The following SMYD2 variants were observed in gnomAD, a reference collection of about 807,000 sequenced individuals.
The protein encoded by SMYD2 is SET and MYND domain containing 2.
Under a neutral mutation model 59.1 loss-of-function variants are expected in SMYD2, and 53 were observed. The observed-to-expected ratio is 0.90, with a 90% CI of 0.72 to 1.13. The LOEUF (loss-of-function observed/expected upper bound fraction) is 1.13, where lower values mean the gene tolerates loss of function less well. Ranked by LOEUF, SMYD2 falls within the 50% of genes most tolerant of loss-of-function variation. The pLI, the probability that SMYD2 is intolerant of heterozygous loss-of-function variation, is 0.00. For synonymous variants in SMYD2, 208 were observed against 198.8 expected, an observed-to-expected ratio of 1.05 and a Z score of -0.39; for missense variants, 494 against 544.7, an observed-to-expected ratio of 0.91 and a Z score of 0.93.
chr1:214,299,668 G>A lies in SMYD2; in HGVS notation c.174-5519G>A, dbSNP rs375442145. The stretch of plus-strand genomic sequence containing the variant: ...GTTGCCCAGGCTGGAGTGCAGTGGC[G>A]CTGTCCTGGCTCACTGCAACCTCTG... On this transcript the variant is annotated intron_variant, in intron 1 of 11. Transcript: ENST00000366957. Among the ~76,000 whole-genome samples the A allele has an allele frequency of 7.8e-4, 118 of 152,094 alleles. 1 individual carries two copies. The South Asian group carries it at 0.02, about 26-fold the overall frequency.
chr1:214,306,205 T>G (rs894902981), intron 2 of SMYD2, among the ~76,000 whole-genome samples: 1 of 152,170 alleles, frequency 6.6e-6, no homozygotes, highest in East Asian at 1.9e-4. Context: ...ATACCTGGTG[T>G]TGTCCTTCCC....
At chr1:214,282,701 C>T (rs1656469735) in intron 1 of SMYD2, among the ~76,000 whole-genome samples, 2 of 151,922 alleles carry the variant, frequency 1.3e-5, no homozygotes, top group African/African-American at 4.8e-5. Flanking sequence ...AACTGTCTTC[C>T]GCTTGGGGGG....
intron 6 of SMYD2, 192 bp from the exon 7 acceptor site, chr1:214,327,430 A>G (rs1657280911): frequency 1.9e-6 from 1 of 518,038 alleles, no homozygotes; most frequent in South Asian, 2.4e-5. Flanking sequence ...TAATATGGTG[A>G]AAGTGTGAGA....
At chr1:214,294,811 A>G (rs537875860) in intron 1 of SMYD2, among the ~76,000 whole-genome samples, 1 of 152,294 alleles carries the variant, frequency 6.6e-6, no homozygotes, top group Non-Finnish European at 1.5e-5. Flanking sequence ...ACTATAAAGG[A>G]ATTTTTACCA....
At chr1:214,327,827 G>T in intron 7 of SMYD2, 103 bp downstream of exon 7, 1 of 968,190 alleles carries the variant, frequency 1.0e-6, no homozygotes, top group East Asian at 2.5e-5. Context: ...TATGAGTTGT[G>T]AATGCCTCCA....
intron 11 of SMYD2, among the ~76,000 whole-genome samples, chr1:214,336,338 C>T (rs1396143292): frequency 1.3e-5 from 2 of 152,168 alleles, no homozygotes; most frequent in Non-Finnish European, 2.9e-5. Flanking sequence ...CGAGACCATC[C>T]TGGCTAACAC....
chr1:214,328,280 C>T (rs1418568744), intron 7 of SMYD2, among the ~76,000 whole-genome samples: 1 of 152,166 alleles, frequency 6.6e-6, no homozygotes, highest in Non-Finnish European at 1.5e-5. Context: ...AACTTCAGGT[C>T]GCAGTTCACT....
At chr1:214,292,148 C>G (rs1243380961) in intron 1 of SMYD2, among the ~76,000 whole-genome samples, 1 of 150,766 alleles carries the variant, frequency 6.6e-6, no homozygotes, top group Non-Finnish European at 1.5e-5. Flanking sequence ...TCTTCTCTGT[C>G]TGTGAATCTG....
intron 1 of SMYD2, among the ~76,000 whole-genome samples, chr1:214,304,327 G>A (rs1303491951): frequency 6.6e-6 from 1 of 152,078 alleles, no homozygotes; most frequent in Non-Finnish European, 1.5e-5. Context: ...GGGAGGCTGA[G>A]GCAGGTGGAT....
chr1:214,308,300 A>G (rs1656946161), intron 2 of SMYD2, among the ~76,000 whole-genome samples: 1 of 152,230 alleles, frequency 6.6e-6, no homozygotes, highest in African/African-American at 2.4e-5. Flanking sequence ...GCTAATGACC[A>G]TTAAGGTTTT....
At chr1:214,302,457 TAA>T (rs753330097) in intron 1 of SMYD2, among the ~76,000 whole-genome samples, 139 of 152,170 alleles carry the variant, frequency 9.1e-4, no homozygotes, top group Middle Eastern at 3.2e-3. Context: ...TTGCAAATGT[TAA>T]AACAGTGAGA....
intron 2 of SMYD2, among the ~76,000 whole-genome samples, chr1:214,311,555 C>T (rs1428126749): frequency 6.6e-6 from 1 of 152,130 alleles, no homozygotes; most frequent in East Asian, 1.9e-4. Flanking sequence ...TCTTGAGTCC[C>T]AGGTCAGCAG....
At chr1:214,303,745 C>A (rs1048160135) in intron 1 of SMYD2, among the ~76,000 whole-genome samples, 2 of 152,202 alleles carry the variant, frequency 1.3e-5, no homozygotes, top group Non-Finnish European at 2.9e-5. Flanking sequence ...GATTCTGCAG[C>A]GTGACAATAT....
chr1:214,283,930 G>A (rs995250837), intron 1 of SMYD2, among the ~76,000 whole-genome samples: 1 of 152,136 alleles, frequency 6.6e-6, no homozygotes, highest in African/African-American at 2.4e-5. Flanking sequence ...TCTTTAGGTA[G>A]GAATAAGTAT....
intron 3 of SMYD2, 30 bp downstream of exon 3, chr1:214,314,902 T>C (rs1657056566): frequency 1.3e-6 from 2 of 1,529,372 alleles, no homozygotes; most frequent in African/African-American, 1.4e-5. Flanking sequence ...TTCAAGTGCA[T>C]TTTATTTTGT....
At chr1:214,284,184 C>T (rs752641566) in intron 1 of SMYD2, among the ~76,000 whole-genome samples, 1 of 149,148 alleles carries the variant, frequency 6.7e-6, no homozygotes, top group Non-Finnish European at 1.5e-5. Context: ...CTCAGATACA[C>T]TTTATACACA....
intron 2 of SMYD2, among the ~76,000 whole-genome samples, chr1:214,313,682 C>T (rs1571927931): frequency 6.6e-6 from 1 of 152,094 alleles, no homozygotes; most frequent in East Asian, 1.9e-4. Context: ...CGTCCTCTCA[C>T]ACTAAGCCTA....
At chr1:214,327,503 A>AT in intron 6 of SMYD2, 119 bp from the exon 7 acceptor site, 1 of 809,012 alleles carries the variant, frequency 1.2e-6, no homozygotes, top group South Asian at 1.6e-5. Flanking sequence ...CAACTATTAG[A>AT]TTTTTAAAAA....
chr1:214,292,634 C>T (rs2102455526), intron 1 of SMYD2, among the ~76,000 whole-genome samples: 1 of 152,304 alleles, frequency 6.6e-6, no homozygotes, highest in Middle Eastern at 3.4e-3. Flanking sequence ...GCATAGGCCT[C>T]ATCACCTCTC....
Sources: gnomAD v4.1 joint callset for allele counts (sites outside exome capture counted in the v4.1 genomes callset) on GRCh38, gnomAD v4.1.1 for gene constraint, MANE v1.5 for transcripts, NCBI Gene and HGNC (gene_info 2026-07-23, HGNC 2026-07-21) for gene names.